The following RALGAPA2 variants were observed in gnomAD, a reference collection of about 807,000 sequenced individuals.
RALGAPA2 encodes Ral GTPase activating protein catalytic subunit alpha 2, also known as ral GTPase-activating protein subunit alpha-2.
Under a neutral mutation model 230.4 loss-of-function variants are expected in RALGAPA2, and 139 were observed. That is an observed-to-expected ratio of 0.60 (90% CI 0.53 to 0.69). The LOEUF (loss-of-function observed/expected upper bound fraction) is 0.69, where lower values mean the gene tolerates loss of function less well. Ranked by LOEUF, RALGAPA2 falls within the 30% of genes least tolerant of loss-of-function variation. The pLI is 0.00. For missense variants in RALGAPA2, 2,163 were observed against 2,276.0 expected (o/e 0.95, Z 1.01); for synonymous variants, 847 against 837.8 (o/e 1.01, Z -0.19).
At chr20:20,490,053 A>C (rs1267429654) in intron 36 of RALGAPA2, among the ~76,000 whole-genome samples, 2 of 152,246 alleles carry the variant, frequency 1.3e-5, no homozygotes, top group Non-Finnish European at 2.9e-5. Context: ...CAAAAGCCAA[A>C]TTGTTGTGAA....
chr20:20,464,416 G>T (rs2061370725), intron 37 of RALGAPA2, among the ~76,000 whole-genome samples: 1 of 152,132 alleles, frequency 6.6e-6, no homozygotes, highest in African/African-American at 2.4e-5. Context: ...AGGTCCCTAG[G>T]ATTTATAAAT....
intron 17 of RALGAPA2, among the ~76,000 whole-genome samples, chr20:20,590,237 G>T (rs2065248723): frequency 6.6e-6 from 1 of 151,816 alleles, no homozygotes; most frequent in Non-Finnish European, 1.5e-5. Flanking sequence ...GTGAAATTAT[G>T]TTAAAATATA....
chr20:20,599,897 T>G (rs187336118), intron 16 of RALGAPA2, among the ~76,000 whole-genome samples: 288 of 151,584 alleles, frequency 1.9e-3, no homozygotes, highest in South Asian at 8.6e-3. Context: ...CGCTTGAACC[T>G]GGGAGGTAGA....
Position 20,536,640 on chromosome 20 carries a change from C to A in RALGAPA2, c.3414+16G>T. ...AAAAGTACTAAACTTGAGATACAGT[C>A]AAATGCGTTATGTACCTTGACATCT... is the stretch of plus-strand genomic sequence containing the variant. On this transcript the variant is annotated intron_variant, in intron 25 of 39. Coordinates refer to ENST00000202677, the MANE Select transcript of RALGAPA2 (RefSeq NM_020343.4). 6.2e-7 allele frequency: 1 copy of A among 1,609,300 alleles called. No individual in the cohort carries two copies. Among genetic ancestry groups the A allele is most frequent in the South Asian group, 1.1e-5 (1 of 90,682 alleles).
intron 4 of RALGAPA2, among the ~76,000 whole-genome samples, chr20:20,650,516 C>T (rs1236037471): frequency 6.6e-6 from 1 of 152,090 alleles, no homozygotes; most frequent in East Asian, 1.9e-4. Flanking sequence ...AGGTTTTAAC[C>T]CAACATTTTA....
Position 20,712,350 on chromosome 20 carries a change from C to T in RALGAPA2, c.106+25G>A, listed in dbSNP as rs2069920758. On this transcript the variant is annotated intron_variant, in intron 1 of 39. Coordinates refer to ENST00000202677, the MANE Select transcript of RALGAPA2 (RefSeq NM_020343.4). The surrounding 1 kb of genome is among the most constrained non-coding windows in gnomAD (Gnocchi z 5.5). ...AGGTGCCCCTAACCCGGCGCCCCGA[C>T]CCCCGCGCCCGGCGCGCGCCTCACC... The T allele has an allele frequency of 6.5e-7, 1 of 1,544,106 alleles. No homozygotes were observed.
At chr20:20,491,546 A>G (rs919481720) in intron 36 of RALGAPA2, among the ~76,000 whole-genome samples, 2 of 152,196 alleles carry the variant, frequency 1.3e-5, no homozygotes, top group Non-Finnish European at 1.5e-5. Flanking sequence ...ATACTGAAAG[A>G]GAGGGAAAGC....
intron 37 of RALGAPA2, among the ~76,000 whole-genome samples, chr20:20,413,225 A>G (rs550053496): frequency 6.6e-6 from 1 of 152,374 alleles, no homozygotes; most frequent in African/African-American, 2.4e-5. Context: ...AGCATTTCTC[A>G]CTACATTTTC....
At chr20:20,409,363 C>T (rs2060014294) in intron 38 of RALGAPA2, among the ~76,000 whole-genome samples, 1 of 152,214 alleles carries the variant, frequency 6.6e-6, no homozygotes, top group Non-Finnish European at 1.5e-5. Context: ...GCTCCCTCTT[C>T]ATTAATAATA....
chr20:20,668,175 C>A (rs774544081), intron 3 of RALGAPA2, among the ~76,000 whole-genome samples: 2 of 152,152 alleles, frequency 1.3e-5, no homozygotes, highest in Admixed American at 6.5e-5. Context: ...CCACTAGCCA[C>A]ATGGATCACC....
intron 31 of RALGAPA2, among the ~76,000 whole-genome samples, chr20:20,513,848 G>T (rs943922421): frequency 1.3e-5 from 2 of 152,240 alleles, no homozygotes; most frequent in Admixed American, 1.3e-4. Flanking sequence ...AGGAGGCACT[G>T]GAATTGCACT....
intron 3 of RALGAPA2, among the ~76,000 whole-genome samples, chr20:20,661,150 C>T (rs1007785631): frequency 3.3e-5 from 5 of 151,998 alleles, no homozygotes; most frequent in African/African-American, 4.8e-5. Context: ...GGGCTATCAT[C>T]GAATTTTGCT....
At chr20:20,619,808 C>A (rs1317981988) in intron 11 of RALGAPA2, among the ~76,000 whole-genome samples, 1 of 152,160 alleles carries the variant, frequency 6.6e-6, no homozygotes, top group Non-Finnish European at 1.5e-5. Flanking sequence ...AAGTGACATG[C>A]CTCTAGTGAG....
intron 1 of RALGAPA2, among the ~76,000 whole-genome samples, chr20:20,686,994 C>T (rs770435840): frequency 3.4e-4 from 52 of 152,170 alleles, no homozygotes; most frequent in Non-Finnish European, 2.5e-4. Context: ...GCCTACACCC[C>T]TCCATTCCCA....
At chr20:20,679,368 C>T (rs1410891626) in intron 2 of RALGAPA2, among the ~76,000 whole-genome samples, 3 of 152,180 alleles carry the variant, frequency 2.0e-5, no homozygotes, top group South Asian at 4.1e-4. Context: ...TTTCTTTTCC[C>T]TTAACTACTG....
At chr20:20,643,113 A>C (rs1219903912) in intron 5 of RALGAPA2, among the ~76,000 whole-genome samples, 3 of 152,230 alleles carry the variant, frequency 2.0e-5, no homozygotes, top group Non-Finnish European at 4.4e-5. Flanking sequence ...AGACAACTAT[A>C]ATTTTAACAA....
At chr20:20,545,444 A>G (rs949157336) in intron 24 of RALGAPA2, among the ~76,000 whole-genome samples, 8 of 152,136 alleles carry the variant, frequency 5.3e-5, no homozygotes, top group African/African-American at 1.9e-4. Context: ...TATCTTTATA[A>G]GAAAAAGTTA....
intron 1 of RALGAPA2, among the ~76,000 whole-genome samples, chr20:20,688,533 T>A (rs1264221794): frequency 6.6e-6 from 1 of 151,750 alleles, no homozygotes; most frequent in African/African-American, 2.4e-5. Context: ...AAGCACAGAG[T>A]CCCCTTAGTC....
In RALGAPA2 at chr20:20,591,170, C is replaced by A. The variant is rs746950432; in HGVS notation, c.2341+7G>T. On this transcript the variant is annotated splice_region_variant and intron_variant, in intron 17 of 39. Transcript: ENST00000202677. ...GTTCTGTATTAAACACTGAAGACAT[C>A]ATGTACCCTGAGAAGAATCTGAGCA... The A allele has an allele frequency of 6.3e-6, 10 of 1,597,714 alleles. No individual in the cohort carries two copies. In the East Asian group the frequency reaches 2.2e-4, roughly 36 times the overall value.
Sources: allele counts gnomAD v4.1 joint callset (sites outside exome capture counted in the v4.1 genomes callset), GRCh38; gene constraint gnomAD v4.1.1; non-coding constraint Gnocchi (gnomAD v3.1); transcripts MANE v1.5; gene names NCBI Gene and HGNC (gene_info 2026-07-23, HGNC 2026-07-21).